The following KIAA0825 variants were observed in gnomAD, a reference collection of about 807,000 sequenced individuals.
The protein encoded by KIAA0825 is uncharacterized protein KIAA0825.
A neutral mutation model predicts 147.6 loss-of-function variants in KIAA0825; 119 were observed. The ratio of observed to expected loss-of-function variants is 0.81; its 90% confidence interval spans 0.69 to 0.94. The LOEUF is 0.94. KIAA0825 is among the 40% of genes least tolerant of loss of function. The probability of loss-of-function intolerance (pLI) is 0.00; values close to 1 mark genes in which losing one functional copy is unlikely to be tolerated. For synonymous variants in KIAA0825, 470 were observed against 518.1 expected, an observed-to-expected ratio of 0.91 and a Z score of 1.26; for missense variants, 1,381 against 1,472.7, an observed-to-expected ratio of 0.94 and a Z score of 1.02.
chr5:94,194,028 AC>A (rs1770907087), intron 20 of KIAA0825, among the ~76,000 whole-genome samples: 1 of 152,174 alleles, frequency 6.6e-6, no homozygotes, highest in African/African-American at 2.4e-5. Context: ...ACCTGCACAA[AC>A]AAACCCAAGG....
chr5:94,411,808 G>A (rs951328694), intron 15 of KIAA0825, among the ~76,000 whole-genome samples: 3 of 152,036 alleles, frequency 2.0e-5, no homozygotes, highest in East Asian at 1.9e-4. Flanking sequence ...TTATCCAGGC[G>A]TGGTGGCTCG....
intron 20 of KIAA0825, among the ~76,000 whole-genome samples, chr5:94,273,626 A>G (rs567465610): frequency 5.5e-4 from 83 of 152,212 alleles, no homozygotes; most frequent in African/African-American, 1.9e-3. Flanking sequence ...AAAATCATAA[A>G]TTCTTCCTAA....
chr5:94,179,825 C>G (rs770022342), intron 20 of KIAA0825, among the ~76,000 whole-genome samples: 56 of 151,724 alleles, frequency 3.7e-4, no homozygotes, highest in Admixed American at 1.2e-3. Context: ...GGATTATAAC[C>G]AAATAATAAA....
chr5:94,332,225 TTC>T (rs1312628331), intron 20 of KIAA0825, among the ~76,000 whole-genome samples: 1 of 151,154 alleles, frequency 6.6e-6, no homozygotes, highest in Non-Finnish European at 1.5e-5. Flanking sequence ...TTTCTTTTCT[TTC>T]TTTTTTTTTT....
At chr5:94,303,642 G>C (rs2150182620) in intron 20 of KIAA0825, among the ~76,000 whole-genome samples, 2 of 152,158 alleles carry the variant, frequency 1.3e-5, no homozygotes, top group South Asian at 4.1e-4. Flanking sequence ...ATTCAAGTTG[G>C]CAAGTTAAAG....
chr5:94,225,085 T>A (rs778612113), intron 20 of KIAA0825, among the ~76,000 whole-genome samples: 5 of 152,176 alleles, frequency 3.3e-5, no homozygotes, highest in Non-Finnish European at 7.4e-5. Context: ...GAATCTGCTC[T>A]GCATAGCCAA....
At chr5:94,559,158 A>C (rs557729295) in intron 2 of KIAA0825, among the ~76,000 whole-genome samples, 1 of 152,352 alleles carries the variant, frequency 6.6e-6, no homozygotes, top group South Asian at 2.1e-4. Context: ...TCTTCCCTAC[A>C]CGTGTATTCT....
chr5:94,400,832 T>G (rs1429543052), intron 16 of KIAA0825, among the ~76,000 whole-genome samples: 1 of 152,134 alleles, frequency 6.6e-6, no homozygotes, highest in Non-Finnish European at 1.5e-5. Context: ...TCTTCAGTGT[T>G]TTTTAATGTC....
At chr5:94,233,967 C>T (rs1774881352) in intron 20 of KIAA0825, among the ~76,000 whole-genome samples, 1 of 152,198 alleles carries the variant, frequency 6.6e-6, no homozygotes, top group Non-Finnish European at 1.5e-5. Flanking sequence ...TTGCATCAAG[C>T]AATTTTATTG....
At chr5:94,435,586 C>A (rs1756254167) in intron 14 of KIAA0825, among the ~76,000 whole-genome samples, 1 of 152,026 alleles carries the variant, frequency 6.6e-6, no homozygotes, top group South Asian at 2.1e-4. Context: ...TGAACATATG[C>A]ATGCATGTGT....
chr5:94,304,128 G>A (rs1778574330), intron 20 of KIAA0825, among the ~76,000 whole-genome samples: 1 of 151,998 alleles, frequency 6.6e-6, no homozygotes, highest in Non-Finnish European at 1.5e-5. Flanking sequence ...GAAGAAACCT[G>A]AATATATTTA....
At chr5:94,281,512 T>A (rs908404214) in intron 20 of KIAA0825, among the ~76,000 whole-genome samples, 1 of 152,064 alleles carries the variant, frequency 6.6e-6, no homozygotes, top group Non-Finnish European at 1.5e-5. Context: ...TGTGTTTCAG[T>A]TTTCCTAGGT....
At chr5:94,208,379 A>G (rs928736508) in intron 20 of KIAA0825, among the ~76,000 whole-genome samples, 1 of 152,228 alleles carries the variant, frequency 6.6e-6, no homozygotes, top group Non-Finnish European at 1.5e-5. Context: ...ATTAACTAAC[A>G]TCTATTATTC....
intron 20 of KIAA0825, among the ~76,000 whole-genome samples, chr5:94,379,844 C>CTTTTTTTTTTTTT (rs59886046): frequency 3.6e-5 from 2 of 55,724 alleles, no homozygotes; most frequent in Non-Finnish European, 6.6e-5. Flanking sequence ...GTATTTTATT[C>CTTTTTTTTTTTTT]TTTTTTTTTT....
intron 5 of KIAA0825, among the ~76,000 whole-genome samples, chr5:94,496,520 G>A (rs1764375928): frequency 6.6e-6 from 1 of 152,204 alleles, no homozygotes; most frequent in African/African-American, 2.4e-5. Context: ...AAAGCAGGGG[G>A]TGGGATGACG....
At chr5:94,207,833 G>A (rs140378571) in intron 20 of KIAA0825, among the ~76,000 whole-genome samples, 61 of 152,212 alleles carry the variant, frequency 4.0e-4, no homozygotes, top group African/African-American at 1.4e-3. Context: ...GGCTGAACTT[G>A]TTCCTTAGGT....
rs138426770 is a variant in KIAA0825 at position 94,374,175 on chromosome 5, T to C, written c.3710+10193A>G. Reference sequence around the variant, plus strand: ...CCGAAAGTGCCAGTATGTGAATGCATAATTAGGTAGAAGAAAATTGATTAC... The same window carrying C: ...CCGAAAGTGCCAGTATGTGAATGCACAATTAGGTAGAAGAAAATTGATTAC... On this transcript the variant is annotated intron_variant, in intron 20 of 20. Coordinates refer to ENST00000682413, the MANE Select transcript of KIAA0825 (RefSeq NM_001145678.3). 4.6e-5 allele frequency among the ~76,000 whole-genome samples: 7 copies of C among 152,330 alleles called. No homozygotes were observed. The East Asian group carries it at 1.3e-3, about 29-fold the overall frequency.
intron 20 of KIAA0825, among the ~76,000 whole-genome samples, chr5:94,299,987 A>G (rs1315802330): frequency 6.6e-6 from 1 of 152,044 alleles, no homozygotes; most frequent in Non-Finnish European, 1.5e-5. Context: ...TTCGTTATAT[A>G]TATATAAATT....
intron 20 of KIAA0825, among the ~76,000 whole-genome samples, chr5:94,197,530 T>C (rs1277788040): frequency 6.6e-6 from 1 of 152,196 alleles, no homozygotes; most frequent in Non-Finnish European, 1.5e-5. Flanking sequence ...GGGGACTTCA[T>C]CATGAAATTG....
Sources: gnomAD v4.1 joint callset for allele counts (sites outside exome capture counted in the v4.1 genomes callset) on GRCh38, gnomAD v4.1.1 for gene constraint, MANE v1.5 for transcripts, NCBI Gene and HGNC (gene_info 2026-07-23, HGNC 2026-07-21) for gene names.